UMODL1: variants seen among roughly 807,000 people sequenced by gnomAD.
The protein encoded by UMODL1 is uromodulin-like 1.
A neutral mutation model predicts 136.3 loss-of-function variants in UMODL1; 128 were observed. The ratio of observed to expected loss-of-function variants is 0.94; its 90% CI spans 0.81 to 1.09. The LOEUF is 1.09. UMODL1 is among the 50% of genes least tolerant of loss of function. The pLI is 0.00. For missense variants in UMODL1, 1,766 were observed against 1,725.6 expected, an observed-to-expected ratio of 1.02 and a Z score of -0.41; for synonymous variants, 721 against 720.0, an observed-to-expected ratio of 1.00 and a Z score of -0.02.
chr21:42,101,210 G>T (rs1483372811), intron 7 of UMODL1, among the ~76,000 whole-genome samples: 6 of 151,978 alleles, frequency 3.9e-5, no homozygotes, highest in Non-Finnish European at 8.8e-5. Context: ...GTGTTACGGT[G>T]GCAGCGGATG....
intron 10 of UMODL1, among the ~76,000 whole-genome samples, chr21:42,110,435 TC>T (rs2066804263): frequency 6.6e-6 from 1 of 152,178 alleles, no homozygotes; most frequent in East Asian, 1.9e-4. Flanking sequence ...CTTCCTAACA[TC>T]CCACACCTTG....
intron 22 of UMODL1, among the ~76,000 whole-genome samples, 179 bp from the exon 23 acceptor site, chr21:42,141,917 T>G (rs1448790561): frequency 6.6e-6 from 1 of 152,236 alleles, no homozygotes; most frequent in Non-Finnish European, 1.5e-5. Flanking sequence ...CCCGTTCCAC[T>G]GGGCACTCTG....
intron 6 of UMODL1, among the ~76,000 whole-genome samples, chr21:42,091,816 G>A (rs780908408): frequency 2.1e-4 from 32 of 152,334 alleles, no homozygotes; most frequent in Non-Finnish European, 2.9e-4. Context: ...GCACAGAGGC[G>A]GGGCTGGGCT....
chr21:42,088,932 C>T (rs2066459457), intron 5 of UMODL1, among the ~76,000 whole-genome samples: 1 of 152,228 alleles, frequency 6.6e-6, no homozygotes, highest in African/African-American at 2.4e-5. Context: ...TCCAAAGGCT[C>T]CTTCAGCACA....
In UMODL1 at chr21:42,122,771, C is replaced by T; in HGVS notation, c.2828-60C>T. On this transcript the variant is annotated intron_variant, in intron 16 of 22. Transcript: ENST00000408910. This position sits in a 1 kb window ranked among gnomAD's most constrained non-coding sequence, Gnocchi z 4.3. ...CTCCAGTCTGCTCCTTACCCCTGCC[C>T]CTCCATGCCAACCCCAAACACAGAG... 4 of 1,514,244 alleles carry T rather than the reference C, an allele frequency of 2.6e-6. No homozygotes were observed. The highest frequency in any genetic ancestry group is 2.1e-5 in the Admixed American group (1 of 47,796). The allele number at this position is 1,514,244 out of a possible 1,614,324, so 93.8% of individuals were successfully genotyped here. A position where few individuals can be genotyped will look rare whatever the true frequency, so the allele number is the denominator to read the frequency against.
At position 42,088,359 on chromosome 21, in the gene UMODL1, C is replaced by T; in HGVS notation, c.669C>T (p.Ala223=). ...ACCTGCACTCAGCCCCTGGGAACGC[C>T]TCCACCACAGTGTCGCGGCTGCTAC... ...VHHLHSAPGN[A]STTVSRLLLG... is the part of the protein sequence containing the mutation. The change falls in exon 5 of 23, where the codon GCC becomes GCT. Residue 223 remains alanine (A), a synonymous_variant. Transcript: ENST00000408910. 2 of 1,614,000 alleles carry T rather than the reference C, an allele frequency of 1.2e-6. No homozygotes were observed. Among genetic ancestry groups the T allele is most frequent in the African/African-American group, 1.3e-5 (1 of 75,060 alleles).
At chr21:42,075,474 G>A (rs747658296) in intron 1 of UMODL1, among the ~76,000 whole-genome samples, 77 of 152,300 alleles carry the variant, frequency 5.1e-4, no homozygotes, top group Non-Finnish European at 1.0e-3. Flanking sequence ...AAAGAAAGCC[G>A]TCATTGTCAT....
chr21:42,117,711 A>T (rs1183814935), intron 14 of UMODL1, among the ~76,000 whole-genome samples: 1 of 152,240 alleles, frequency 6.6e-6, no homozygotes, highest in Non-Finnish European at 1.5e-5. Flanking sequence ...GGAACGGCCT[A>T]GCTCATTCCC....
chr21:42,069,003 T>C (rs1029325964), upstream of UMODL1, among the ~76,000 whole-genome samples: 134 of 152,140 alleles, frequency 8.8e-4, no homozygotes, highest in Non-Finnish European at 1.7e-3. Flanking sequence ...CTGAGCGAAT[T>C]TGGGGCTCTC....
At chr21:42,129,974 C>T (rs2067112483) in intron 21 of UMODL1, among the ~76,000 whole-genome samples, 177 bp downstream of exon 21, 1 of 152,206 alleles carries the variant, frequency 6.6e-6, no homozygotes, top group Non-Finnish European at 1.5e-5. Context: ...TACGTGTCAG[C>T]CTGGCACTAA....
upstream of UMODL1, among the ~76,000 whole-genome samples, chr21:42,067,631 G>A (rs1042449202): frequency 3.9e-5 from 6 of 152,192 alleles, no homozygotes; most frequent in African/African-American, 1.4e-4. Flanking sequence ...CGGCACGTGC[G>A]TGTCCACTGC....
chr21:42,086,401 C>T (rs2066427139), intron 4 of UMODL1: 2 of 386,860 alleles, frequency 5.2e-6, no homozygotes. Context: ...ACTAAGCTGG[C>T]TGGCAGCCCA....
At chr21:42,090,509 C>A in intron 6 of UMODL1, 71 bp downstream of exon 6, 1 of 1,567,876 alleles carries the variant, frequency 6.4e-7, no homozygotes, top group Non-Finnish European at 8.7e-7. Context: ...TACTCACCAG[C>A]AGTGCTTACA....
rs2066479582 is a variant in UMODL1, at chr21:42,090,496, G to A, written c.931+58G>A. 4 of 1,596,894 alleles carry A rather than the reference G, an allele frequency of 2.5e-6. No homozygotes were observed. The Admixed American group carries it at 6.7e-5, about 27-fold the overall frequency. On this transcript the variant is annotated intron_variant, in intron 6 of 22. Transcript: ENST00000408910. ...ATGGCTTAATTCCTGTTTGCCCCGG[G>A]AATACTCACCAGCAGTGCTTACAGC... is the stretch of plus-strand genomic sequence containing the variant.
intron 14 of UMODL1, among the ~76,000 whole-genome samples, chr21:42,116,631 A>G (rs1295594515): frequency 6.6e-6 from 1 of 151,692 alleles, no homozygotes; most frequent in Non-Finnish European, 1.5e-5. Flanking sequence ...TTTTTTTTAA[A>G]CCTGTAAAAA....
At chr21:42,135,162 G>A (rs2067188805) in intron 21 of UMODL1, among the ~76,000 whole-genome samples, 4 of 152,222 alleles carry the variant, frequency 2.6e-5, no homozygotes, top group Admixed American at 2.6e-4. Flanking sequence ...GTGGTCCAAC[G>A]GTCACGATGC....
intron 21 of UMODL1, among the ~76,000 whole-genome samples, chr21:42,130,597 G>A (rs992349690): frequency 1.1e-5 from 1 of 94,578 alleles, no homozygotes; most frequent in Non-Finnish European, 2.3e-5. Flanking sequence ...CAACCTCCTG[G>A]CAGCTAAGTG....
intron 1 of UMODL1, among the ~76,000 whole-genome samples, chr21:42,075,106 G>A (rs898392087): frequency 1.1e-4 from 16 of 152,186 alleles, no homozygotes; most frequent in African/African-American, 3.9e-4. Context: ...CACCATGTTA[G>A]CCAGGGTGGT....
upstream of UMODL1, among the ~76,000 whole-genome samples, chr21:42,070,814 C>T (rs891138818): frequency 2.0e-5 from 3 of 152,230 alleles, no homozygotes; most frequent in South Asian, 6.2e-4. Flanking sequence ...AGCACCTGGA[C>T]ATTTTTGTGA....
Sources: allele counts gnomAD v4.1 joint callset (sites outside exome capture counted in the v4.1 genomes callset), GRCh38; gene constraint gnomAD v4.1.1; non-coding constraint Gnocchi (gnomAD v3.1); transcripts MANE v1.5; gene names NCBI Gene and HGNC (gene_info 2026-07-23, HGNC 2026-07-21).